Variants in FBXO31 observed in about 807,000 individuals in gnomAD.
FBXO31 encodes the protein F-box only protein 31.
FBXO31 carries 24 observed loss-of-function variants against 54.4 expected under a neutral mutation model. The ratio of observed to expected loss-of-function variants is 0.44; its 90% CI spans 0.32 to 0.62. FBXO31 has a LOEUF of 0.62. FBXO31 is among the 20% of genes least tolerant of loss of function. The probability of loss-of-function intolerance (pLI) is 0.05; values close to 1 mark genes in which losing one functional copy is unlikely to be tolerated. For missense variants in FBXO31, 665 were observed against 787.1 expected, an observed-to-expected ratio of 0.84 and a Z score of 1.86; for synonymous variants, 388 against 335.6, an observed-to-expected ratio of 1.16 and a Z score of -1.71.
At chr16:87,379,209 A>G (rs1184883389) in intron 1 of FBXO31, among the ~76,000 whole-genome samples, 1 of 151,946 alleles carries the variant, frequency 6.6e-6, no homozygotes, top group Non-Finnish European at 1.5e-5. Flanking sequence ...GCTCACTGCA[A>G]CCTCCACATC....
chr16:87,384,303 C>G (rs529075681), upstream of FBXO31: 4 of 152,294 alleles, frequency 2.6e-5, no homozygotes, highest in African/African-American at 7.2e-5. Context: ...CGCGTTCCAT[C>G]GTCTCCGCCT....
chr16:87,333,735 G>T lies in FBXO31; in HGVS notation c.1397+151C>A, dbSNP rs1904944076. The stretch of plus-strand genomic sequence containing the variant: ...CAGGTGCTGGGGAACATGGCCCAAG[G>T]GGTCAGAGGCCGCACTCCTGTCCCA... On this transcript the variant is annotated intron_variant, in intron 8 of 8. Coordinates refer to ENST00000311635, the MANE Select transcript of FBXO31 (RefSeq NM_024735.5). 3.3e-6 allele frequency: 4 copies of T among 1,224,960 alleles called. No individual in the cohort carries two copies. The East Asian group carries it at 1.0e-4, about 31-fold the overall frequency. 75.9% of individuals were successfully genotyped at this position (1,224,960 alleles called of 1,614,324 possible).
intron 2 of FBXO31, among the ~76,000 whole-genome samples, chr16:87,349,927 C>T (rs1417985841): frequency 6.6e-6 from 1 of 152,040 alleles, no homozygotes; most frequent in African/African-American, 2.4e-5. Context: ...AAAAAAATCC[C>T]CTCTATTTCA....
Position 87,331,076 on chromosome 16 carries a change from T to C in FBXO31, c.*212A>G, listed in dbSNP as rs1904836819. On this transcript the variant is annotated 3_prime_UTR_variant, in exon 9 of 9. Transcript: ENST00000311635. ...CGTTCTCTCTGTTTTTGGTAAGACATGCTCAGCTTCTTCCATCATGGCACT... is the reference window on the plus strand; with the variant it reads ...CGTTCTCTCTGTTTTTGGTAAGACACGCTCAGCTTCTTCCATCATGGCACT... 1 of 561,332 alleles carries C rather than the reference T, an allele frequency of 1.8e-6. No homozygotes were observed. The allele number at this position is 561,332 out of a possible 1,614,324, so 34.8% of individuals were successfully genotyped here.
At chr16:87,380,202 G>A (rs1907014473) in intron 1 of FBXO31, among the ~76,000 whole-genome samples, 1 of 145,810 alleles carries the variant, frequency 6.9e-6, no homozygotes, top group South Asian at 2.2e-4. Flanking sequence ...AGAGGCTGAG[G>A]CAGGAGAATT....
In FBXO31 at chr16:87,364,538, C is replaced by G. The variant is rs572020625; in HGVS notation, c.341-4172G>C. 7.2e-5 allele frequency among the ~76,000 whole-genome samples: 11 copies of G among 152,292 alleles called. No individual in the cohort carries two copies. In the South Asian group the frequency reaches 2.3e-3, roughly 32 times the overall value. ...GAATGCTCAGGCCAAATACCGAGAT[C>G]AACTAACTATTCAGGTTGAACCAGA... On this transcript the variant is annotated intron_variant, in intron 1 of 8. Coordinates refer to ENST00000311635, the MANE Select transcript of FBXO31 (RefSeq NM_024735.5).
chr16:87,336,034 G>C lies in FBXO31; in HGVS notation c.842+121C>G, dbSNP rs990457287. On this transcript the variant is annotated intron_variant, in intron 6 of 8. Coordinates refer to ENST00000311635, the MANE Select transcript of FBXO31 (RefSeq NM_024735.5). The surrounding 1 kb of genome is among the most constrained non-coding windows in gnomAD (Gnocchi z 6.5). ...TACTCCCAGCCCCCAGCAGGAGAGA[G>C]GGCTGAACCCCAGCACCCACTGAGA... The C allele has an allele frequency of 1.4e-6, 1 of 728,576 alleles. No individual in the cohort carries two copies. Among genetic ancestry groups the C allele is most frequent in the Non-Finnish European group, 2.3e-6 (1 of 441,730 alleles). 45.1% of individuals were successfully genotyped at this position (728,576 alleles called of 1,614,324 possible). A position where few individuals can be genotyped will look rare whatever the true frequency, so the allele number is the denominator to read the frequency against.
chr16:87,353,548 G>T (rs1254039315), intron 2 of FBXO31, among the ~76,000 whole-genome samples: 1 of 152,254 alleles, frequency 6.6e-6, no homozygotes, highest in African/African-American at 2.4e-5. Context: ...AGGGGGCCAC[G>T]TGGGGACAGA....
In FBXO31 at chr16:87,329,361, G is replaced by C. The variant is rs1450194241; in HGVS notation, c.*1927C>G. 6.6e-6 allele frequency: 1 copy of C among 152,300 alleles called. No homozygotes were observed. The highest frequency in any genetic ancestry group is 1.5e-5 in the Non-Finnish European group (1 of 68,072). The allele number at this position is 152,300 out of a possible 1,614,324, so 9.4% of individuals were successfully genotyped here. On this transcript the variant is annotated 3_prime_UTR_variant, in exon 9 of 9. Coordinates refer to ENST00000311635, the MANE Select transcript of FBXO31 (RefSeq NM_024735.5). Reference sequence around the variant, plus strand: ...TTGAGATCTGAGATTCCTTTAATCAGAAGCACGTGCGTCCCACAGTGTGCT... The same window carrying C: ...TTGAGATCTGAGATTCCTTTAATCACAAGCACGTGCGTCCCACAGTGTGCT...
chr16:87,350,338 G>C (rs1597367203), intron 2 of FBXO31, among the ~76,000 whole-genome samples: 3 of 152,296 alleles, frequency 2.0e-5, no homozygotes, highest in African/African-American at 7.2e-5. Context: ...ATTCAGCCCA[G>C]ACCATGGTTT....
At chr16:87,356,314 A>G (rs1905890307) in intron 2 of FBXO31, among the ~76,000 whole-genome samples, 1 of 152,098 alleles carries the variant, frequency 6.6e-6, no homozygotes, top group African/African-American at 2.4e-5. Flanking sequence ...GTCAACGCTC[A>G]CTAAGTCGAC....
chr16:87,372,141 A>G (rs1906630784), intron 1 of FBXO31, among the ~76,000 whole-genome samples: 1 of 152,110 alleles, frequency 6.6e-6, no homozygotes, highest in African/African-American at 2.4e-5. Flanking sequence ...GGAGGATCAT[A>G]TGAACCCAGG....
chr16:87,347,504 C>A (rs1905442959), intron 2 of FBXO31, among the ~76,000 whole-genome samples: 1 of 152,032 alleles, frequency 6.6e-6, no homozygotes, highest in Admixed American at 6.6e-5. Context: ...CACGGTGAAA[C>A]CCCGTCTCTA....
chr16:87,380,612 T>C (rs1272641075), intron 1 of FBXO31, among the ~76,000 whole-genome samples: 11 of 152,190 alleles, frequency 7.2e-5, no homozygotes, highest in Non-Finnish European at 1.2e-4. Context: ...GGTCTTGAAC[T>C]CCTGGGCTCA....
intron 8 of FBXO31, among the ~76,000 whole-genome samples, 197 bp downstream of exon 8, chr16:87,333,689 C>G (rs1474549150): frequency 2.0e-5 from 3 of 152,156 alleles, no homozygotes; most frequent in African/African-American, 7.2e-5. Flanking sequence ...AAGACGGGAC[C>G]CAGCTGCGCG....
At chr16:87,388,171 G>T (rs1040074498), upstream of FBXO31, among the ~76,000 whole-genome samples, 14 of 152,336 alleles carry the variant, frequency 9.2e-5, no homozygotes, top group Non-Finnish European at 2.1e-4. Context: ...TGACTGATTT[G>T]TCAGTGCTTT....
chr16:87,378,913 G>C (rs1906948187), intron 1 of FBXO31, among the ~76,000 whole-genome samples: 1 of 148,666 alleles, frequency 6.7e-6, no homozygotes, highest in Non-Finnish European at 1.5e-5. Flanking sequence ...AATGAGCAGA[G>C]ATGGCGCCAC....
chr16:87,342,332 G>T (rs1382720874), intron 5 of FBXO31, among the ~76,000 whole-genome samples: 1 of 152,188 alleles, frequency 6.6e-6, no homozygotes, highest in Non-Finnish European at 1.5e-5. Context: ...TGGGAATACA[G>T]GTGTGAGCCA....
chr16:87,352,502 A>C (rs754892285), intron 2 of FBXO31, among the ~76,000 whole-genome samples: 2 of 152,228 alleles, frequency 1.3e-5, no homozygotes, highest in Non-Finnish European at 2.9e-5. Flanking sequence ...GAAAGAAAAT[A>C]ATCCAGGCCA....
Sources: allele counts gnomAD v4.1 joint callset (sites outside exome capture counted in the v4.1 genomes callset), GRCh38; gene constraint gnomAD v4.1.1; non-coding constraint Gnocchi (gnomAD v3.1); transcripts MANE v1.5; gene names NCBI Gene and HGNC (gene_info 2026-07-23, HGNC 2026-07-21).